INO80: variants seen among roughly 807,000 people sequenced by gnomAD.
The protein encoded by INO80 is INO80 complex ATPase subunit.
In INO80, 20 loss-of-function variants were observed where a neutral mutation model predicts 203.4. The observed-to-expected ratio is 0.10, with a 90% CI of 0.07 to 0.14. INO80 has a LOEUF of 0.14. Among genes scored for constraint, INO80 ranks in the 10% least tolerant of loss-of-function variants. The pLI, the probability that INO80 is intolerant of heterozygous loss-of-function variation, is 1.00. For synonymous variants in INO80, 726 were observed against 685.2 expected (o/e 1.06, Z -0.93); for missense variants, 1,419 against 1,914.4 (o/e 0.74, Z 4.83).
chr15:41,013,653 T>G (rs1020620588), intron 27 of INO80, among the ~76,000 whole-genome samples: 1 of 152,188 alleles, frequency 6.6e-6, no homozygotes, highest in Non-Finnish European at 1.5e-5. Flanking sequence ...TTCATTTGAG[T>G]GGGTAATATT....
chr15:41,081,152 C>A, intron 7 of INO80, 79 bp from the exon 8 acceptor site: 1 of 894,540 alleles, frequency 1.1e-6, no homozygotes, highest in South Asian at 1.4e-5. Context: ...GTCTTTTACT[C>A]AATTCCTAGA....
At chr15:41,102,364 G>T (rs1465041768) in intron 1 of INO80, among the ~76,000 whole-genome samples, 2 of 151,814 alleles carry the variant, frequency 1.3e-5, no homozygotes, top group South Asian at 4.2e-4. Context: ...TTTCATTTCA[G>T]GATTTTAAAA....
At chr15:40,984,064 G>C in intron 33 of INO80, 133 bp downstream of exon 33, 1 of 1,321,846 alleles carries the variant, frequency 7.6e-7, no homozygotes. Context: ...TCTCCTTACA[G>C]ACCTCATGTG....
chr15:41,065,631 AT>A (rs911078057), intron 14 of INO80, among the ~76,000 whole-genome samples: 9 of 152,224 alleles, frequency 5.9e-5, no homozygotes, highest in Admixed American at 3.3e-4. Context: ...AACAACCCAA[AT>A]ATTCATCAAC....
chr15:41,085,296 TCA>T, intron 7 of INO80, 71 bp downstream of exon 7: 2 of 1,286,340 alleles, frequency 1.6e-6, no homozygotes, highest in South Asian at 1.2e-5. Flanking sequence ...TATCTAGCTC[TCA>T]GAGTTCCTCT....
At chr15:41,100,828 TTC>T (rs2140681558) in intron 1 of INO80, among the ~76,000 whole-genome samples, 1 of 151,668 alleles carries the variant, frequency 6.6e-6, no homozygotes, top group African/African-American at 2.4e-5. Context: ...TCACAATTTT[TTC>T]TTTTTTTTTT....
chr15:40,999,205 A>G (rs776185177), intron 28 of INO80: 1 of 152,210 alleles, frequency 6.6e-6, no homozygotes, highest in African/African-American at 2.4e-5. Flanking sequence ...GATTCCAGTA[A>G]GGAAAACAAA....
At chr15:41,080,988 A>G in intron 8 of INO80, 32 bp downstream of exon 8, 1 of 1,452,514 alleles carries the variant, frequency 6.9e-7, no homozygotes, top group South Asian at 1.2e-5. Context: ...CCAGCAAAAC[A>G]TGAAATGGAA....
chr15:40,983,170 C>T, intron 34 of INO80, 93 bp from the exon 35 acceptor site: 1 of 1,030,570 alleles, frequency 9.7e-7, no homozygotes, highest in South Asian at 1.5e-5. Flanking sequence ...GGAAAGCGAG[C>T]TCTTAGGGCA....
At chr15:41,113,303 T>G (rs1041353987) in intron 1 of INO80, among the ~76,000 whole-genome samples, 1 of 149,976 alleles carries the variant, frequency 6.7e-6, no homozygotes, top group Admixed American at 6.7e-5. Flanking sequence ...TTTGCTCTTG[T>G]TGCACTCCAC....
At chr15:41,065,058 A>C (rs1271390194) in intron 14 of INO80, among the ~76,000 whole-genome samples, 3 of 152,212 alleles carry the variant, frequency 2.0e-5, no homozygotes, top group Non-Finnish European at 4.4e-5. Flanking sequence ...ATGACTTTCA[A>C]CTTTGTATGT....
chr15:40,980,201 G>A lies in INO80; in HGVS notation c.*22C>T. On this transcript the variant is annotated 3_prime_UTR_variant, in exon 36 of 36. Coordinates refer to ENST00000648947, the MANE Select transcript of INO80 (RefSeq NM_017553.3). ...GGACTCTAGCCCTGGTTTGGTTGAA[G>A]GAAGTCGGAGGGCCCAGATGGTTAC... 3 of 1,604,244 alleles carry A rather than the reference G, an allele frequency of 1.9e-6. No individual in the cohort carries two copies. The highest frequency in any genetic ancestry group is 1.7e-6 in the Non-Finnish European group (2 of 1,172,726).
chr15:41,068,784 T>C (rs1283551892), intron 14 of INO80, among the ~76,000 whole-genome samples: 1 of 152,072 alleles, frequency 6.6e-6, no homozygotes, highest in African/African-American at 2.4e-5. Context: ...TGCTTGAACC[T>C]GGGAGATGGA....
At chr15:41,012,778 A>T (rs1212717768) in intron 27 of INO80, among the ~76,000 whole-genome samples, 1 of 152,062 alleles carries the variant, frequency 6.6e-6, no homozygotes, top group East Asian at 1.9e-4. Context: ...TCCTTTTAAA[A>T]ATCCCCTATC....
intron 11 of INO80, among the ~76,000 whole-genome samples, chr15:41,072,641 C>CAAAAAAAAAAAAA (rs747499405): frequency 2.2e-5 from 1 of 45,978 alleles, no homozygotes; most frequent in Non-Finnish European, 4.6e-5. Context: ...ACTCCCGCCT[C>CAAAAAAAAAAAAA]AAAAAAAAAA....
chr15:41,108,727 C>A (rs1378370732), intron 1 of INO80, among the ~76,000 whole-genome samples: 1 of 151,760 alleles, frequency 6.6e-6, no homozygotes, highest in African/African-American at 2.4e-5. Context: ...ATTTATTAAA[C>A]ATTATGTATC....
rs200072775 is a variant in INO80, at chr15:40,983,937, T to C, written c.4078-16A>G. 151 of 1,612,010 alleles carry C rather than the reference T, an allele frequency of 9.4e-5. No individual in the cohort carries two copies. The highest frequency in any genetic ancestry group is 7.0e-5 in the Non-Finnish European group (82 of 1,179,172). On this transcript the variant is annotated splice_polypyrimidine_tract_variant and intron_variant, in intron 33 of 35. Transcript: ENST00000648947. The stretch of plus-strand genomic sequence containing the variant: ...TGATGGAGATCTAGAAGAGGAAGGG[T>C]TAAGATCATTACGACCCCCTGTGCT...
intron 25 of INO80, among the ~76,000 whole-genome samples, 165 bp from the exon 26 acceptor site, chr15:41,021,290 G>A (rs1240044715): frequency 6.6e-6 from 1 of 152,126 alleles, no homozygotes; most frequent in Non-Finnish European, 1.5e-5. Context: ...ATGACTTAGT[G>A]AGCTTTTCCA....
intron 26 of INO80, chr15:41,018,319 T>C (rs949765426): frequency 2.0e-5 from 3 of 152,242 alleles, no homozygotes; most frequent in Non-Finnish European, 2.9e-5. Context: ...CATGATTCAA[T>C]GGTTTTCAAA....
Sources: gnomAD v4.1 joint callset for allele counts (sites outside exome capture counted in the v4.1 genomes callset) on GRCh38, gnomAD v4.1.1 for gene constraint, MANE v1.5 for transcripts, NCBI Gene and HGNC (gene_info 2026-07-23, HGNC 2026-07-21) for gene names.